Variants in EFEMP1 observed in about 807,000 individuals in gnomAD.
EFEMP1 encodes EGF-containing fibulin-like extracellular matrix protein 1.
A neutral mutation model predicts 65.7 loss-of-function variants in EFEMP1; 18 were observed. The observed-to-expected ratio is 0.27, with a 90% CI of 0.19 to 0.41. The LOEUF is 0.41. Ranked by LOEUF, EFEMP1 falls within the 10% of genes least tolerant of loss-of-function variation. The pLI is 1.00. For missense variants in EFEMP1, 469 were observed against 624.8 expected, an observed-to-expected ratio of 0.75 and a Z score of 2.66; for synonymous variants, 237 against 219.7, an observed-to-expected ratio of 1.08 and a Z score of -0.70.
chr2:55,907,648 G>A (rs1670330847), intron 5 of EFEMP1, among the ~76,000 whole-genome samples: 1 of 152,162 alleles, frequency 6.6e-6, no homozygotes, highest in Non-Finnish European at 1.5e-5. Context: ...TATTTCACAA[G>A]GGAAATCTAA....
At chr2:55,905,204 T>C (rs151129963) in intron 5 of EFEMP1, among the ~76,000 whole-genome samples, 49 of 152,234 alleles carry the variant, frequency 3.2e-4, no homozygotes, top group Middle Eastern at 3.4e-3. Flanking sequence ...CTCAGGACTT[T>C]TACTCAATTT....
intron 5 of EFEMP1, among the ~76,000 whole-genome samples, chr2:55,897,389 G>C (rs1039864659): frequency 1.2e-5 from 1 of 80,190 alleles, no homozygotes; most frequent in Non-Finnish European, 2.2e-5. Flanking sequence ...AAATCTGATA[G>C]AAAATAAAAA....
rs372487029 is a variant in EFEMP1 at position 55,884,444 on chromosome 2, A to G, written c.518-2710T>C. Reference sequence around the variant, plus strand: ...TACTAAAATGGACAATGATGTCAGAAACTCAAAGCAGAATACCCATCCCTG... The same window carrying G: ...TACTAAAATGGACAATGATGTCAGAGACTCAAAGCAGAATACCCATCCCTG... On this transcript the variant is annotated intron_variant, in intron 5 of 11. Coordinates refer to ENST00000355426, the MANE Select transcript of EFEMP1 (RefSeq NM_001039348.3). Among the ~76,000 whole-genome samples, 12 of 152,310 alleles carry G rather than the reference A, an allele frequency of 7.9e-5. No individual in the cohort carries two copies. In the East Asian group the frequency reaches 1.5e-3, roughly 20 times the overall value.
At chr2:55,872,439 C>G (rs1429248344) in intron 9 of EFEMP1, among the ~76,000 whole-genome samples, 3 of 152,116 alleles carry the variant, frequency 2.0e-5, no homozygotes, top group Non-Finnish European at 4.4e-5. Flanking sequence ...ATCTTTTAAT[C>G]CTTTCATCAC....
In EFEMP1 at chr2:55,921,662, T is replaced by C. The variant is rs555250368; in HGVS notation, c.81+698A>G. Among the ~76,000 whole-genome samples, 12 of 152,368 alleles carry C rather than the reference T, an allele frequency of 7.9e-5. No individual in the cohort carries two copies. Among genetic ancestry groups the C allele is most frequent in the Non-Finnish European group, 1.3e-4 (9 of 68,044 alleles). ...TGTAGCAGTGGGAGGGGTCAGGTGATCTTTTTAATATTTTATTAAACATTG... is the reference window on the plus strand; with the variant it reads ...TGTAGCAGTGGGAGGGGTCAGGTGACCTTTTTAATATTTTATTAAACATTG... On this transcript the variant is annotated intron_variant, in intron 3 of 11. Transcript: ENST00000355426. This position sits in a 1 kb window ranked among gnomAD's most constrained non-coding sequence, Gnocchi z 4.1.
At chr2:55,901,033 T>G (rs1670011762) in intron 5 of EFEMP1, among the ~76,000 whole-genome samples, 1 of 152,206 alleles carries the variant, frequency 6.6e-6, no homozygotes, top group South Asian at 2.1e-4. Context: ...CTAGTAGACT[T>G]TTGGGGCAAA....
At chr2:55,897,191 C>T (rs954576210) in intron 5 of EFEMP1, among the ~76,000 whole-genome samples, 30 of 152,164 alleles carry the variant, frequency 2.0e-4, no homozygotes, top group Non-Finnish European at 1.2e-4. Context: ...AAGCTTTTAT[C>T]TTTGTATTCT....
intron 5 of EFEMP1, among the ~76,000 whole-genome samples, chr2:55,893,886 G>A (rs1212092444): frequency 1.3e-5 from 2 of 152,136 alleles, no homozygotes; most frequent in Non-Finnish European, 2.9e-5. Flanking sequence ...GAGCATCTAT[G>A]GTATGACCTT....
intron 5 of EFEMP1, among the ~76,000 whole-genome samples, chr2:55,892,570 T>C (rs1669670582): frequency 7.3e-6 from 1 of 137,510 alleles, no homozygotes; most frequent in South Asian, 2.3e-4. Flanking sequence ...GTGGGATGAA[T>C]AGAAAGTTCT....
Position 55,917,348 on chromosome 2 carries a change from A to G in EFEMP1, c.517+317T>C, listed in dbSNP as rs1285369174. On this transcript the variant is annotated intron_variant, in intron 5 of 11. Transcript: ENST00000355426. The surrounding 1 kb of genome is among the most constrained non-coding windows in gnomAD (Gnocchi z 6.3). ...AGCCGATGCCTGGAACCCACCTCAG[A>G]GACTGTGATTTAACTGGGCTGGGGT... 6.6e-6 allele frequency among the ~76,000 whole-genome samples: 1 copy of G among 152,142 alleles called. No homozygotes were observed. Among genetic ancestry groups the G allele is most frequent in the East Asian group, 1.9e-4 (1 of 5,186 alleles).
In EFEMP1 at chr2:55,885,192, G is replaced by C. The variant is rs778345793; in HGVS notation, c.518-3458C>G. On this transcript the variant is annotated intron_variant, in intron 5 of 11. Coordinates refer to ENST00000355426, the MANE Select transcript of EFEMP1 (RefSeq NM_001039348.3). This position sits in a 1 kb window ranked among gnomAD's most constrained non-coding sequence, Gnocchi z 4.3. The stretch of plus-strand genomic sequence containing the variant: ...TTCTCCACTGCATTTTGAAGAAGAC[G>C]AGATACATGGGTTGCCAGGAAAAGG... Among the ~76,000 whole-genome samples, 1 of 152,146 alleles carries C rather than the reference G, an allele frequency of 6.6e-6. No homozygotes were observed. The highest frequency in any genetic ancestry group is 2.4e-5 in the African/African-American group (1 of 41,430).
At position 55,883,468 on chromosome 2, in the gene EFEMP1, A is replaced by G. The variant is rs958278821; in HGVS notation, c.518-1734T>C. Among the ~76,000 whole-genome samples, 2 of 152,208 alleles carry G rather than the reference A, an allele frequency of 1.3e-5. No homozygotes were observed. Among genetic ancestry groups the G allele is most frequent in the African/African-American group, 2.4e-5 (1 of 41,456 alleles). Reference sequence around the variant, plus strand: ...GACTCGTTAATGCAGAAATGACAGCAGAGTATCTATTGTTTTATGTCAAGA... The same window carrying G: ...GACTCGTTAATGCAGAAATGACAGCGGAGTATCTATTGTTTTATGTCAAGA... On this transcript the variant is annotated intron_variant, in intron 5 of 11. Transcript: ENST00000355426. This position sits in a 1 kb window ranked among gnomAD's most constrained non-coding sequence, Gnocchi z 4.5.
Position 55,917,100 on chromosome 2 carries a change from G to A in EFEMP1, c.517+565C>T, listed in dbSNP as rs138320756. Among the ~76,000 whole-genome samples, 1 of 152,344 alleles carries A rather than the reference G, an allele frequency of 6.6e-6. No individual in the cohort carries two copies. Among genetic ancestry groups the A allele is most frequent in the East Asian group, 1.9e-4 (1 of 5,188 alleles). ...CTTTACTCCTGAATGAGGAAAATAA[G>A]TCTGTGGCAAGTTCGATGAAAAGAA... On this transcript the variant is annotated intron_variant, in intron 5 of 11. Coordinates refer to ENST00000355426, the MANE Select transcript of EFEMP1 (RefSeq NM_001039348.3). The surrounding 1 kb of genome is among the most constrained non-coding windows in gnomAD (Gnocchi z 6.3).
At chr2:55,892,212 A>G (rs1335629875) in intron 5 of EFEMP1, among the ~76,000 whole-genome samples, 1 of 152,102 alleles carries the variant, frequency 6.6e-6, no homozygotes, top group Non-Finnish European at 1.5e-5. Context: ...TTTACTTTAC[A>G]TTTCCATTGG....
intron 5 of EFEMP1, among the ~76,000 whole-genome samples, chr2:55,897,774 A>G (rs1669884057): frequency 6.6e-6 from 1 of 152,160 alleles, no homozygotes; most frequent in African/African-American, 2.4e-5. Context: ...TAACTGGAAA[A>G]TGTTTCCCCT....
intron 5 of EFEMP1, among the ~76,000 whole-genome samples, chr2:55,889,207 A>C (rs1669543708): frequency 6.6e-6 from 1 of 152,218 alleles, no homozygotes; most frequent in African/African-American, 2.4e-5. Context: ...AATTATAACA[A>C]GCATGGCTTG....
chr2:55,904,966 C>CTTTTTTTTTTTTTTTTTTTTTTTTTTT lies in EFEMP1; in HGVS notation c.517+12698_517+12699insAAAAAAAAAAAAAAAAAAAAAAAAAAA, dbSNP rs796758221. ...TTTCTTCTCTTCTAAGGGATAGTGG[C>CTTTTTTTTTTTTTTTTTTTTTTTTTTT]TTTTTTTTTTTTCTTTTTCTTTTTT... On this transcript the variant is annotated intron_variant, in intron 5 of 11. Transcript: ENST00000355426. 8.5e-5 allele frequency among the ~76,000 whole-genome samples: 6 copies of CTTTTTTTTTTTTTTTTTTTTTTTTTTT among 70,554 alleles called. 1 individual carries two copies. The highest frequency in any genetic ancestry group is 3.0e-4 in the African/African-American group (3 of 10,088). 46.3% of individuals were successfully genotyped at this position (70,554 alleles called of 152,430 possible).
rs1225604988 is a variant in EFEMP1, at chr2:55,923,271, T to TA, written c.-48-333dup. Among the ~76,000 whole-genome samples the TA allele has an allele frequency of 2.0e-5, 3 of 152,106 alleles. No individual in the cohort carries two copies. Among genetic ancestry groups the TA allele is most frequent in the African/African-American group, 7.2e-5 (3 of 41,420 alleles). ...CCAGGGATCGCACCGCAGCCCAAGGTACCAGTTTCGGGCGGGCGGCCTGGC... is the reference window on the plus strand; with the variant it reads ...CCAGGGATCGCACCGCAGCCCAAGGTAACCAGTTTCGGGCGGGCGGCCTGGC... On this transcript the variant is annotated intron_variant, in intron 1 of 11. Transcript: ENST00000355426. The surrounding 1 kb of genome is among the most constrained non-coding windows in gnomAD (Gnocchi z 5.3).
chr2:55,898,711 A>G (rs1669925158), intron 5 of EFEMP1, among the ~76,000 whole-genome samples: 1 of 152,158 alleles, frequency 6.6e-6, no homozygotes, highest in Admixed American at 6.5e-5. Context: ...TAATTGTGAC[A>G]GTAATAAATC....
Sources: allele counts gnomAD v4.1 joint callset (sites outside exome capture counted in the v4.1 genomes callset), GRCh38; gene constraint gnomAD v4.1.1; non-coding constraint Gnocchi (gnomAD v3.1); transcripts MANE v1.5; gene names NCBI Gene and HGNC (gene_info 2026-07-23, HGNC 2026-07-21).